ELN: variants seen among roughly 807,000 people sequenced by gnomAD.
The protein encoded by ELN is tropoelastin.
In ELN, 65 loss-of-function variants were observed where a neutral mutation model predicts 105.8. The observed-to-expected ratio is 0.61, with a 90% CI of 0.50 to 0.75. ELN has a LOEUF of 0.75. Among genes scored for constraint, ELN ranks in the 30% least tolerant of loss-of-function variants. The pLI is 0.00. For missense variants in ELN, 882 were observed against 969.4 expected, an observed-to-expected ratio of 0.91 and a Z score of 1.20; for synonymous variants, 368 against 389.2, an observed-to-expected ratio of 0.95 and a Z score of 0.64.
At chr7:74,058,660 G>A (rs1410516461) in intron 22 of ELN, among the ~76,000 whole-genome samples, 2 of 152,104 alleles carry the variant, frequency 1.3e-5, no homozygotes, top group African/African-American at 4.8e-5. Flanking sequence ...CCGGCCTGCA[G>A]TACTTCTTGT....
chr7:74,055,809 C>T (rs1262746518), intron 19 of ELN, among the ~76,000 whole-genome samples: 3 of 130,016 alleles, frequency 2.3e-5, no homozygotes, highest in Non-Finnish European at 3.3e-5. Flanking sequence ...TTTTTTGAGA[C>T]GGAGTCTTGC....
intron 18 of ELN, among the ~76,000 whole-genome samples, chr7:74,054,466 A>G (rs1794824420): frequency 6.7e-6 from 1 of 149,044 alleles, no homozygotes; most frequent in Non-Finnish European, 1.5e-5. Flanking sequence ...TTGAGACTCC[A>G]TCTCAAAAAA....
At chr7:74,046,668 C>A in intron 11 of ELN, 28 bp from the exon 12 acceptor site, 3 of 1,613,738 alleles carry the variant, frequency 1.9e-6, no homozygotes, top group Non-Finnish European at 2.5e-6. Context: ...GGTGCTGGGA[C>A]CTGAACTTGC....
chr7:74,046,032 T>C, intron 10 of ELN, 156 bp from the exon 11 acceptor site: 1 of 1,013,300 alleles, frequency 9.9e-7, no homozygotes, highest in Non-Finnish European at 1.5e-6. Flanking sequence ...CGAAACTCCA[T>C]CTCCGAAAAA....
At chr7:74,060,955 C>T in intron 25 of ELN, 146 bp from the exon 26 acceptor site, 1 of 1,003,458 alleles carries the variant, frequency 1.0e-6, no homozygotes, top group Non-Finnish European at 1.6e-6. Flanking sequence ...CTGTTCAGCC[C>T]TAAAGCTCTG....
intron 26 of ELN, among the ~76,000 whole-genome samples, chr7:74,061,621 C>T (rs1372789574): frequency 1.3e-5 from 2 of 152,074 alleles, no homozygotes; most frequent in African/African-American, 4.8e-5. Context: ...CACTGCACTC[C>T]GGCCTGGACG....
rs1320437218 is a variant in ELN at position 74,042,622 on chromosome 7, G to C, written c.241G>C (p.Ala81Pro). 5 of 1,613,218 alleles carry C rather than the reference G, an allele frequency of 3.1e-6. No homozygotes were observed. The highest frequency in any genetic ancestry group is 4.2e-6 in the Non-Finnish European group (5 of 1,179,992). ...AGAGLGAGLG[A>P]FPAVTFPGAL... is the part of the protein sequence containing the mutation. ...CATCCTCCCCTCCGCAGGGCTCGGC[G>C]CCTTCCCCGCAGTTACCTTTCCGGG... The change falls in exon 6 of 33, where the codon GCC becomes CCC. Residue 81 changes from alanine (A) to proline (P), a missense_variant. Coordinates refer to ENST00000252034, the MANE Select transcript of ELN (RefSeq NM_000501.4).
chr7:74,065,162 T>A (rs549635159), intron 29 of ELN, among the ~76,000 whole-genome samples: 3 of 151,352 alleles, frequency 2.0e-5, no homozygotes, highest in African/African-American at 7.3e-5. Context: ...GGCAGGAAGA[T>A]CACTTGAACC....
chr7:74,060,376 G>C lies in ELN; in HGVS notation c.1622G>C (p.Arg541Pro). Residue 541 changes from arginine (R) to proline (P), a missense_variant and splice_region_variant, in exon 25 of 33, where the codon CGA becomes CCA. Arg to Pro is a moderately radical substitution (Grantham distance 103). Coordinates refer to ENST00000252034, the MANE Select transcript of ELN (RefSeq NM_000501.4). ...AAKVAAKAQL[R>P]AAAGLGAGIP... The stretch of plus-strand genomic sequence containing the variant: ...CGCCACCACTGCCCTCTGTCTGCAG[G>C]AGCTGCAGCTGGGCTTGGTGCTGGC... 6.2e-7 allele frequency: 1 copy of C among 1,614,148 alleles called. No homozygotes were observed. The highest frequency in any genetic ancestry group is 8.5e-7 in the Non-Finnish European group (1 of 1,180,038).
At chr7:74,043,554 A>G in intron 8 of ELN, 4 of 658,284 alleles carry the variant, frequency 6.1e-6, no homozygotes, top group Non-Finnish European at 8.3e-6. Flanking sequence ...GCCCTTTAGG[A>G]AGTGACTTCA....
chr7:74,052,823 AAG>A, intron 17 of ELN: 1 of 299,948 alleles, frequency 3.3e-6, no homozygotes, highest in Non-Finnish European at 6.2e-6. Flanking sequence ...GGAAAAAGAA[AAG>A]AGGGAGGGAG....
intron 19 of ELN, 107 bp downstream of exon 19, chr7:74,054,876 G>T (rs1234745571): frequency 2.7e-5 from 35 of 1,285,176 alleles, no homozygotes; most frequent in South Asian, 2.6e-4. Flanking sequence ...CTTGCCCAAG[G>T]TCACCGAGCA....
chr7:74,031,559 A>C (rs1788654491), intron 1 of ELN, among the ~76,000 whole-genome samples: 1 of 152,102 alleles, frequency 6.6e-6, no homozygotes, highest in South Asian at 2.1e-4. Context: ...GGTGGCCAGA[A>C]GGAGCCTTGA....
intron 9 of ELN, 148 bp from the exon 10 acceptor site, chr7:74,045,074 G>A (rs1366488443): frequency 7.4e-6 from 6 of 807,932 alleles, no homozygotes; most frequent in Non-Finnish European, 1.0e-5. Context: ...GCACTAAACA[G>A]GTCCTTTCTC....
chr7:74,056,262 C>A lies in ELN; in HGVS notation c.1151-9C>A. The A allele has an allele frequency of 3.7e-6, 6 of 1,614,228 alleles. No homozygotes were observed. The highest frequency in any genetic ancestry group is 5.1e-6 in the Non-Finnish European group (6 of 1,180,048). On this transcript the variant is annotated splice_polypyrimidine_tract_variant and intron_variant, in intron 19 of 32. Coordinates refer to ENST00000252034, the MANE Select transcript of ELN (RefSeq NM_000501.4). ...GCTTCTTTTCTACTTGGCTCCCTTCCCTCTGCAGGGGCCAGGCCCGGAGTC... is the reference window on the plus strand; with the variant it reads ...GCTTCTTTTCTACTTGGCTCCCTTCACTCTGCAGGGGCCAGGCCCGGAGTC...
chr7:74,031,597 G>GT (rs1397117846), intron 1 of ELN, among the ~76,000 whole-genome samples: 1 of 151,990 alleles, frequency 6.6e-6, no homozygotes, highest in Non-Finnish European at 1.5e-5. Context: ...CCCAGCAGAA[G>GT]TGACATTTGA....
At chr7:74,058,536 G>A (rs1215834898) in intron 22 of ELN, among the ~76,000 whole-genome samples, 1 of 151,784 alleles carries the variant, frequency 6.6e-6, no homozygotes, top group Admixed American at 6.6e-5. Context: ...TAATTTTTTT[G>A]TAGCGACAGC....
chr7:74,061,178 C>T (rs781925447), intron 26 of ELN, 39 bp downstream of exon 26: 1 of 1,613,516 alleles, frequency 6.2e-7, no homozygotes. Flanking sequence ...TCCCTTGCCA[C>T]CACACCATCC....
intron 1 of ELN, among the ~76,000 whole-genome samples, chr7:74,031,844 GA>G (rs1788734336): frequency 7.0e-6 from 1 of 143,766 alleles, no homozygotes; most frequent in African/African-American, 2.6e-5. Context: ...CAGAAAGAAA[GA>G]AAGGAAGGAA....
Sources: gnomAD v4.1 joint callset for allele counts (sites outside exome capture counted in the v4.1 genomes callset) on GRCh38, gnomAD v4.1.1 for gene constraint, MANE v1.5 for transcripts, NCBI Gene and HGNC (gene_info 2026-07-23, HGNC 2026-07-21) for gene names.